The following CHD6 variants were observed in gnomAD, a reference collection of about 807,000 sequenced individuals.
CHD6 encodes ATP-dependent chromatin remodeler CHD6.
In CHD6, 50 loss-of-function variants were observed where a neutral mutation model predicts 276.9. The observed-to-expected ratio is 0.18, with a 90% confidence interval of 0.14 to 0.23. The LOEUF is 0.23. CHD6 is among the 10% of genes least tolerant of loss of function. The pLI is 1.00. For missense variants in CHD6, 2,564 were observed against 3,365.8 expected (o/e 0.76, Z 5.89); for synonymous variants, 1,173 against 1,229.3 (o/e 0.95, Z 0.96).
Position 41,416,778 on chromosome 20 carries a change from T to G in CHD6, c.6296A>C (p.Asn2099Thr), listed in dbSNP as rs1436617424. ...CACGTGGCAGATATTATCTAGGCGG[T>G]TAATTATCACGCGGTCCTAGAAAAA... is the stretch of plus-strand genomic sequence containing the variant. The part of the protein sequence containing the change: ...SEWPKDRVII[N>T]RLDNICHVVL... Residue 2099 changes from asparagine (N) to threonine (T), a missense_variant, in exon 33 of 37, where the codon AAC becomes ACC. Asn to Thr is a moderately conservative substitution (Grantham distance 65, BLOSUM62 0). This residue lies in a region of CHD6 where 1,024 missense variants were observed against 1,047.9 expected (regional missense o/e 0.98). Coordinates refer to ENST00000373233, the MANE Select transcript of CHD6 (RefSeq NM_032221.5). The G allele has an allele frequency of 1.9e-6, 3 of 1,588,036 alleles. No individual in the cohort carries two copies. In the African/African-American group the frequency reaches 4.1e-5, roughly 21 times the overall value.
Position 41,413,490 on chromosome 20 carries a change from G to A in CHD6, c.6965C>T (p.Ala2322Val), listed in dbSNP as rs754820590. The change falls in exon 35 of 37, where the codon GCC becomes GTC. Residue 2322 changes from alanine (A) to valine (V), a missense_variant. By Grantham distance (64) the Ala-to-Val change is moderately conservative (BLOSUM62 0). This residue lies in a region of CHD6 where 1,024 missense variants were observed against 1,047.9 expected (regional missense o/e 0.98). Coordinates refer to ENST00000373233, the MANE Select transcript of CHD6 (RefSeq NM_032221.5). Reference sequence around the variant, plus strand: ...CTCAGGGTGTGTGGTGCTCAAGGTGGCCTGCCCTGGGTCTTCATGGACTTC... The same window carrying A: ...CTCAGGGTGTGTGGTGCTCAAGGTGACCTGCCCTGGGTCTTCATGGACTTC... ...ILEVHEDPGQ[A>V]TLSTTHPEGP... is the part of the protein sequence containing the mutation. 1 of 1,591,434 alleles carries A rather than the reference G, an allele frequency of 6.3e-7. No individual in the cohort carries two copies. Among genetic ancestry groups the A allele is most frequent in the South Asian group, 1.1e-5 (1 of 88,116 alleles).
At chr20:41,467,182 C>A in intron 17 of CHD6, among the ~76,000 whole-genome samples, 1 of 152,074 alleles carries the variant, frequency 6.6e-6, no homozygotes, top group Non-Finnish European at 1.5e-5. Context: ...TGTTCTCCCC[C>A]AAGATGACTT....
intron 13 of CHD6, 112 bp from the exon 14 acceptor site, chr20:41,487,920 C>A: frequency 9.3e-7 from 1 of 1,072,456 alleles, no homozygotes; most frequent in Admixed American, 2.6e-5. Context: ...CAATTCTGAT[C>A]TGCTTTAATG....
At chr20:41,487,850 T>G (rs759751589) in intron 13 of CHD6, 42 bp from the exon 14 acceptor site, 2 of 1,577,388 alleles carry the variant, frequency 1.3e-6, no homozygotes, top group African/African-American at 2.8e-5. Context: ...GCTTGAGCCA[T>G]CAAAATAGTG....
At chr20:41,456,575 T>C (rs188962965) in intron 18 of CHD6, among the ~76,000 whole-genome samples, 7 of 152,284 alleles carry the variant, frequency 4.6e-5, no homozygotes, top group African/African-American at 1.4e-4. Context: ...CATGACTAAC[T>C]TGAAGTATTA....
intron 1 of CHD6, among the ~76,000 whole-genome samples, chr20:41,554,329 A>G (rs1170654867): frequency 6.6e-6 from 1 of 152,240 alleles, no homozygotes; most frequent in Non-Finnish European, 1.5e-5. Flanking sequence ...CACTGCCAGG[A>G]ATGTGGGAAA....
At chr20:41,499,399 C>T in intron 5 of CHD6, 42 bp from the exon 6 acceptor site, 1 of 1,470,978 alleles carries the variant, frequency 6.8e-7, no homozygotes, top group Non-Finnish European at 9.2e-7. Flanking sequence ...GCTGGAACCA[C>T]AGAATCCAAG....
At chr20:41,554,865 C>A (rs1247530540) in intron 1 of CHD6, among the ~76,000 whole-genome samples, 4 of 152,244 alleles carry the variant, frequency 2.6e-5, no homozygotes, top group African/African-American at 9.6e-5. Flanking sequence ...CCGCCATTGT[C>A]ATCATGGCCT....
intron 8 of CHD6, among the ~76,000 whole-genome samples, chr20:41,496,109 G>C (rs2043679199): frequency 6.6e-6 from 1 of 152,298 alleles, no homozygotes; most frequent in South Asian, 2.1e-4. Flanking sequence ...GGTACAGCAG[G>C]ACTGTTCTAT....
intron 3 of CHD6, among the ~76,000 whole-genome samples, chr20:41,531,164 A>C (rs2044675881): frequency 6.6e-6 from 1 of 152,194 alleles, no homozygotes; most frequent in Non-Finnish European, 1.5e-5. Context: ...AATTCCTTAA[A>C]AAAGGAGGAG....
At chr20:41,466,201 C>CA (rs1295063006) in intron 17 of CHD6, among the ~76,000 whole-genome samples, 1 of 151,892 alleles carries the variant, frequency 6.6e-6, no homozygotes, top group Admixed American at 6.6e-5. Flanking sequence ...GACTCCATCC[C>CA]AAAAAAACAA....
chr20:41,583,299 A>G (rs1281096404), intron 1 of CHD6, among the ~76,000 whole-genome samples: 1 of 152,144 alleles, frequency 6.6e-6, no homozygotes, highest in Non-Finnish European at 1.5e-5. Context: ...AAAAGACATT[A>G]CCTTGGAAGA....
intron 1 of CHD6, among the ~76,000 whole-genome samples, chr20:41,601,593 T>TG (rs2045774203): frequency 6.6e-6 from 1 of 152,216 alleles, no homozygotes; most frequent in Non-Finnish European, 1.5e-5. Flanking sequence ...ATAGCAGATA[T>TG]GGTCCCAGAA....
chr20:41,450,345 T>C (rs2048198442), intron 23 of CHD6, among the ~76,000 whole-genome samples: 1 of 152,198 alleles, frequency 6.6e-6, no homozygotes, highest in South Asian at 2.1e-4. Context: ...AAGGGTCAGA[T>C]ACATTGCACA....
At chr20:41,517,879 T>C (rs1425451910) in intron 3 of CHD6, among the ~76,000 whole-genome samples, 1 of 152,244 alleles carries the variant, frequency 6.6e-6, no homozygotes, top group Non-Finnish European at 1.5e-5. Context: ...TACCAAGTCA[T>C]GTATTTTGCC....
intron 16 of CHD6, among the ~76,000 whole-genome samples, chr20:41,476,280 T>A (rs543072482): frequency 1.6e-4 from 25 of 152,068 alleles, no homozygotes; most frequent in African/African-American, 2.9e-4. Context: ...TAGGAGTTGA[T>A]ATGGTTCAAA....
chr20:41,517,564 T>C (rs1445888934), intron 3 of CHD6, among the ~76,000 whole-genome samples: 1 of 152,238 alleles, frequency 6.6e-6, no homozygotes, highest in Non-Finnish European at 1.5e-5. Flanking sequence ...CAAAAGTTCT[T>C]CCTTTTCTTA....
At chr20:41,477,103 G>A (rs778581011) in intron 16 of CHD6, among the ~76,000 whole-genome samples, 38 of 152,060 alleles carry the variant, frequency 2.5e-4, no homozygotes, top group Admixed American at 7.2e-4. Context: ...GACAGGCATG[G>A]TGGCCAATGT....
At position 41,548,311 on chromosome 20, in the gene CHD6, C is replaced by T. The variant is rs550052718; in HGVS notation, c.33+2994G>A. Among the ~76,000 whole-genome samples, 12 of 152,222 alleles carry T rather than the reference C, an allele frequency of 7.9e-5. No individual in the cohort carries two copies. In the South Asian group the frequency reaches 8.3e-4, roughly 11 times the overall value. On this transcript the variant is annotated intron_variant, in intron 2 of 36. Coordinates refer to ENST00000373233, the MANE Select transcript of CHD6 (RefSeq NM_032221.5). ...ATCCTGTTCTGTTCATCAAAATTAC[C>T]ATGAGGTCCAAAACAAAAACCCATC...
Sources: gnomAD v4.1 joint callset for allele counts (sites outside exome capture counted in the v4.1 genomes callset) on GRCh38, gnomAD v4.1.1 for gene constraint, gnomAD v4.1.1 regional missense constraint, MANE v1.5 for transcripts, NCBI Gene and HGNC (gene_info 2026-07-23, HGNC 2026-07-21) for gene names.